FBLN7: variants seen among roughly 807,000 people sequenced by gnomAD.
FBLN7 encodes the protein fibulin 7.
In FBLN7, 31 loss-of-function variants were observed where a neutral mutation model predicts 44.0. That is an observed-to-expected ratio of 0.70 (90% CI 0.53 to 0.95). The LOEUF is 0.95. Ranked by LOEUF, FBLN7 falls within the 40% of genes least tolerant of loss-of-function variation. FBLN7 has a pLI of 0.00. For missense variants in FBLN7, 573 were observed against 618.5 expected (o/e 0.93, Z 0.78); for synonymous variants, 262 against 253.4 (o/e 1.03, Z -0.32).
intron 1 of FBLN7, among the ~76,000 whole-genome samples, chr2:112,157,395 A>T (rs1305197657): frequency 2.0e-5 from 3 of 152,190 alleles, no homozygotes; most frequent in Admixed American, 2.0e-4. Context: ...AATTAAATTA[A>T]AACATAATCC....
intron 1 of FBLN7, chr2:112,153,220 G>A (rs1416255904): frequency 3.3e-5 from 5 of 152,214 alleles, no homozygotes; most frequent in African/African-American, 1.2e-4. Context: ...TGACTCAGAC[G>A]CTGAAGACTC....
chr2:112,188,729 AT>A (rs1246910612), downstream of FBLN7: 5 of 152,226 alleles, frequency 3.3e-5, no homozygotes, highest in Non-Finnish European at 7.3e-5. Flanking sequence ...TAGTTCAATG[AT>A]CAAGCCCTAC....
intron 3 of FBLN7, among the ~76,000 whole-genome samples, chr2:112,168,366 A>G (rs1054183658): frequency 6.6e-6 from 1 of 152,062 alleles, no homozygotes; most frequent in African/African-American, 2.4e-5. Context: ...TTAGATGGAG[A>G]TTTTTCTTCT....
rs754336323 is a variant in FBLN7, at chr2:112,165,023, C to T, written c.258C>T (p.Thr86=). 6.2e-7 allele frequency: 1 copy of T among 1,614,082 alleles called. No homozygotes were observed. The highest frequency in any genetic ancestry group is 1.7e-5 in the Admixed American group (1 of 60,014). The change falls in exon 3 of 8, where the codon ACC becomes ACT. Residue 86 remains threonine, a synonymous_variant. Coordinates refer to ENST00000331203, the MANE Select transcript of FBLN7 (RefSeq NM_153214.3). Reference sequence around the variant, plus strand: ...CAGTTTCCTGCCCGGCTCTGAACACCCCCGCAGACGGCAGAAAGTTTGGAA... The same window carrying T: ...CAGTTTCCTGCCCGGCTCTGAACACTCCCGCAGACGGCAGAAAGTTTGGAA... ...ALPVSCPALN[T]PADGRKFGSK... is the part of the protein sequence containing the mutation.
At chr2:112,172,046 G>A (rs540437113) in intron 3 of FBLN7, among the ~76,000 whole-genome samples, 4 of 152,256 alleles carry the variant, frequency 2.6e-5, no homozygotes, top group East Asian at 3.9e-4. Flanking sequence ...CACCGCACCC[G>A]ACCATTAAGC....
chr2:112,211,305 AAATT>A, the FBLN7 span, among the ~76,000 whole-genome samples: 10 of 152,170 alleles, frequency 6.6e-5, no homozygotes, highest in Non-Finnish European at 1.5e-5. Context: ...CATATAATAA[AAATT>A]AATCATGGGA....
intron 4 of FBLN7, among the ~76,000 whole-genome samples, chr2:112,180,185 A>G (rs994815990): frequency 6.6e-6 from 1 of 152,252 alleles, no homozygotes; most frequent in Admixed American, 6.5e-5. Flanking sequence ...GTACATGAAC[A>G]GAAACTTCTC....
chr2:112,160,317 TGGTGGC>T lies in FBLN7; in HGVS notation c.235+483_235+488del, dbSNP rs1331522405. 4.6e-5 allele frequency among the ~76,000 whole-genome samples: 7 copies of T among 152,304 alleles called. No individual in the cohort carries two copies. The East Asian group carries it at 1.4e-3, about 29-fold the overall frequency. ...TCTGTGGCCCATTTGTAAGCCTGGT[TGGTGGC>T]AGTGGGGGTGGGGGGAGCACATTAG... On this transcript the variant is annotated intron_variant, in intron 2 of 7. Coordinates refer to ENST00000331203, the MANE Select transcript of FBLN7 (RefSeq NM_153214.3).
At chr2:112,193,990 T>C in the FBLN7 span, among the ~76,000 whole-genome samples, 1 of 152,240 alleles carries the variant, frequency 6.6e-6, no homozygotes, top group Non-Finnish European at 1.5e-5. Flanking sequence ...TATTTTATTA[T>C]GAATTATCAT....
the FBLN7 span, among the ~76,000 whole-genome samples, chr2:112,198,792 A>G: frequency 1.3e-5 from 2 of 152,172 alleles, no homozygotes; most frequent in Non-Finnish European, 2.9e-5. Flanking sequence ...TGGACTTTCC[A>G]ACCTCCAGAA....
chr2:112,171,616 G>GAAAA (rs986029377), intron 3 of FBLN7, among the ~76,000 whole-genome samples: 1 of 151,868 alleles, frequency 6.6e-6, no homozygotes, highest in African/African-American at 2.4e-5. Flanking sequence ...TTAAATTAAT[G>GAAAA]AAAAAAAGAT....
the FBLN7 span, among the ~76,000 whole-genome samples, chr2:112,234,983 A>G: frequency 6.6e-6 from 1 of 152,154 alleles, no homozygotes; most frequent in Admixed American, 6.6e-5. Flanking sequence ...TATCAGCTCA[A>G]ATTAACACAC....
the FBLN7 span, among the ~76,000 whole-genome samples, chr2:112,234,643 T>C: frequency 1.3e-5 from 2 of 151,798 alleles, no homozygotes; most frequent in Non-Finnish European, 2.9e-5. Context: ...TCTACTAAAA[T>C]ACAAAAATTA....
intron 6 of FBLN7, among the ~76,000 whole-genome samples, chr2:112,184,660 A>G (rs1283960332): frequency 2.0e-5 from 3 of 149,848 alleles, no homozygotes; most frequent in Non-Finnish European, 3.0e-5. Context: ...ATATAGGTAT[A>G]TGGTATATAT....
the FBLN7 span, among the ~76,000 whole-genome samples, chr2:112,232,435 C>T: frequency 1.9e-4 from 29 of 151,764 alleles, no homozygotes; most frequent in African/African-American, 4.8e-4. Flanking sequence ...GGACTACATA[C>T]GTAAATCAAG....
At position 112,160,754 on chromosome 2, in the gene FBLN7, A is replaced by G. The variant is rs1372689808; in HGVS notation, c.235+919A>G. ...CACGCACACGCACACACGCGCACGCACACACGCACGCACACGCAGACGCAC... is the reference window on the plus strand; with the variant it reads ...CACGCACACGCACACACGCGCACGCGCACACGCACGCACACGCAGACGCAC... On this transcript the variant is annotated intron_variant, in intron 2 of 7. Transcript: ENST00000331203. Among the ~76,000 whole-genome samples the G allele has an allele frequency of 1.9e-3, 169 of 87,780 alleles. 1 individual carries two copies. The highest frequency in any genetic ancestry group is 6.4e-3 in the African/African-American group (139 of 21,630). The allele number at this position is 87,780 out of a possible 152,430, so 57.6% of individuals were successfully genotyped here.
At chr2:112,233,104 A>G in the FBLN7 span, among the ~76,000 whole-genome samples, 1 of 152,206 alleles carries the variant, frequency 6.6e-6, no homozygotes, top group Non-Finnish European at 1.5e-5. Flanking sequence ...TTGCTTATGA[A>G]AAAATCCACG....
rs149677049 is a variant in FBLN7 at position 112,185,307 on chromosome 2, C to T, written c.915C>T (p.Ser305=). ...QCVSPECPEG[S]GNVSYVKTSP... ...TCAGCCCTGAGTGCCCCGAGGGCAG[C>T]GGCAATGTGAGCTACGTGAAGACGT... Residue 305 remains serine (S), a synonymous_variant, in exon 7 of 8, where the codon AGC becomes AGT. Transcript: ENST00000331203. The T allele has an allele frequency of 3.1e-6, 5 of 1,613,624 alleles. No homozygotes were observed. The highest frequency in any genetic ancestry group is 1.7e-5 in the Admixed American group (1 of 59,984).
At chr2:112,153,816 C>T (rs1193431453) in intron 1 of FBLN7, among the ~76,000 whole-genome samples, 4 of 152,164 alleles carry the variant, frequency 2.6e-5, no homozygotes, top group Admixed American at 6.5e-5. Context: ...AGGAATCTTC[C>T]GTGGACCCGC....
Sources: allele counts gnomAD v4.1 joint callset (sites outside exome capture counted in the v4.1 genomes callset), GRCh38; gene constraint gnomAD v4.1.1; transcripts MANE v1.5; gene names NCBI Gene and HGNC (gene_info 2026-07-23, HGNC 2026-07-21).